Variants in RBMS3 observed in about 807,000 individuals in gnomAD.
RBMS3 encodes the protein RNA-binding motif, single-stranded-interacting protein 3.
Under a neutral mutation model 66.8 loss-of-function variants are expected in RBMS3, and 27 were observed. The ratio of observed to expected loss-of-function variants is 0.40; its 90% CI spans 0.30 to 0.56. The LOEUF (loss-of-function observed/expected upper bound fraction) is 0.56, where lower values mean the gene tolerates loss of function less well. RBMS3 is among the 20% of genes least tolerant of loss of function. The pLI, the probability that RBMS3 is intolerant of heterozygous loss-of-function variation, is 0.40. For synonymous variants in RBMS3, 188 were observed against 183.0 expected (o/e 1.03, Z -0.22); for missense variants, 513 against 549.5 (o/e 0.93, Z 0.66).
At chr3:29,882,560 C>T (rs1466759439) in intron 7 of RBMS3, among the ~76,000 whole-genome samples, 3 of 152,014 alleles carry the variant, frequency 2.0e-5, no homozygotes, top group Admixed American at 6.6e-5. Flanking sequence ...ATACCAATTC[C>T]ATTCACATGT....
chr3:29,728,777 T>A (rs1053327229), intron 4 of RBMS3, among the ~76,000 whole-genome samples: 1 of 151,126 alleles, frequency 6.6e-6, no homozygotes, highest in African/African-American at 2.5e-5. Context: ...TGACAGAATT[T>A]TAATGTATAG....
intron 5 of RBMS3, among the ~76,000 whole-genome samples, chr3:29,745,521 C>A (rs1238067676): frequency 4.6e-5 from 7 of 151,688 alleles, no homozygotes; most frequent in Non-Finnish European, 7.4e-5. Context: ...ACTGATTGTC[C>A]AGCAAAAATC....
intron 10 of RBMS3, among the ~76,000 whole-genome samples, chr3:29,915,463 T>C (rs983934873): frequency 6.6e-6 from 1 of 151,970 alleles, no homozygotes; most frequent in Non-Finnish European, 1.5e-5. Flanking sequence ...TTATACATGC[T>C]TTTTGTTGGT....
chr3:29,565,324 G>A (rs2046703553), intron 3 of RBMS3, among the ~76,000 whole-genome samples: 1 of 152,136 alleles, frequency 6.6e-6, no homozygotes, highest in South Asian at 2.1e-4. Context: ...AAAACTTCTG[G>A]CTTGTGACAC....
chr3:29,395,741 A>G (rs1362951706), intron 1 of RBMS3, among the ~76,000 whole-genome samples: 1 of 152,232 alleles, frequency 6.6e-6, no homozygotes, highest in African/African-American at 2.4e-5. Context: ...CATTAAAGAT[A>G]TTAATGTTAA....
intron 1 of RBMS3, among the ~76,000 whole-genome samples, chr3:29,426,158 A>G (rs955453699): frequency 6.6e-6 from 1 of 152,206 alleles, no homozygotes; most frequent in Non-Finnish European, 1.5e-5. Flanking sequence ...AAGCACTGCA[A>G]TGTCTGAAGT....
intron 2 of RBMS3, among the ~76,000 whole-genome samples, chr3:29,486,906 A>G (rs2043341708): frequency 6.6e-6 from 1 of 152,150 alleles, no homozygotes; most frequent in Non-Finnish European, 1.5e-5. Flanking sequence ...TAAGATAGTT[A>G]TACCTGATCT....
chr3:29,356,348 G>T (rs1390181303), intron 1 of RBMS3, among the ~76,000 whole-genome samples: 1 of 152,122 alleles, frequency 6.6e-6, no homozygotes, highest in Non-Finnish European at 1.5e-5. Flanking sequence ...TCTATGTTTT[G>T]TTGACCTAGT....
In RBMS3 at chr3:29,669,378, C is replaced by A. The variant is rs115958708; in HGVS notation, c.400-70342C>A. Among the ~76,000 whole-genome samples the A allele has an allele frequency of 2.3e-3, 351 of 152,290 alleles. 2 individuals are homozygous for A. Among genetic ancestry groups the A allele is most frequent in the African/African-American group, 7.9e-3 (329 of 41,564 alleles). On this transcript the variant is annotated intron_variant, in intron 4 of 14. Coordinates refer to ENST00000383767, the MANE Select transcript of RBMS3 (RefSeq NM_001003793.3). ...TCCTCACTCTCAAATTTGAGCTTCACATGAGTTGCCTCATTTTACAGTAGA... is the reference window on the plus strand; with the variant it reads ...TCCTCACTCTCAAATTTGAGCTTCAAATGAGTTGCCTCATTTTACAGTAGA...
At chr3:29,378,532 T>G (rs2038604112) in intron 1 of RBMS3, among the ~76,000 whole-genome samples, 1 of 151,478 alleles carries the variant, frequency 6.6e-6, no homozygotes, top group African/African-American at 2.4e-5. Flanking sequence ...AGAGGTATTG[T>G]GAGGATTAAA....
chr3:29,440,802 C>T (rs965692225), intron 2 of RBMS3, among the ~76,000 whole-genome samples: 36 of 152,156 alleles, frequency 2.4e-4, no homozygotes, highest in African/African-American at 8.7e-4. Context: ...AGGCTCCGAG[C>T]GCAGAGTCCA....
rs939844457 is a variant in RBMS3 at position 29,329,895 on chromosome 3, AATAT to A, written c.75+48146_75+48149del. ...TACATATTAATATAACTATATAATT[AATAT>A]ATATATTAATATAACTATAGAATTA... On this transcript the variant is annotated intron_variant, in intron 1 of 14. Coordinates refer to ENST00000383767, the MANE Select transcript of RBMS3 (RefSeq NM_001003793.3). Among the ~76,000 whole-genome samples, 7 of 147,844 alleles carry A rather than the reference AATAT, an allele frequency of 4.7e-5. No homozygotes were observed. In the Admixed American group the frequency reaches 4.8e-4, roughly 10 times the overall value.
At chr3:29,557,864 G>A (rs1328967964) in intron 3 of RBMS3, among the ~76,000 whole-genome samples, 3 of 152,168 alleles carry the variant, frequency 2.0e-5, no homozygotes, top group Non-Finnish European at 2.9e-5. Context: ...ACAAGAGGAA[G>A]AGCAGACCTC....
At chr3:29,370,546 A>T (rs2038146424) in intron 1 of RBMS3, among the ~76,000 whole-genome samples, 1 of 152,216 alleles carries the variant, frequency 6.6e-6, no homozygotes, top group African/African-American at 2.4e-5. Context: ...TAATTGTGGT[A>T]TAAACCTGGC....
At chr3:29,656,806 G>A (rs11709088) in intron 4 of RBMS3, among the ~76,000 whole-genome samples, 17,680 of 151,986 alleles carry the variant, frequency 0.12, 1,108 homozygotes, top group Middle Eastern at 0.23. Context: ...CCTCTCTCTC[G>A]TACATTAGTT....
chr3:29,564,795 G>C (rs1489026265), intron 3 of RBMS3, among the ~76,000 whole-genome samples: 2 of 152,018 alleles, frequency 1.3e-5, no homozygotes, highest in Admixed American at 6.6e-5. Flanking sequence ...AATTCATCCT[G>C]CTGTAATGTG....
intron 1 of RBMS3, among the ~76,000 whole-genome samples, chr3:29,394,134 A>G (rs576728031): frequency 4.6e-5 from 7 of 152,218 alleles, no homozygotes; most frequent in Non-Finnish European, 7.3e-5. Flanking sequence ...CTTCAACTGC[A>G]TAAGACAGAC....
intron 1 of RBMS3, among the ~76,000 whole-genome samples, chr3:29,354,111 CT>C (rs1559510736): frequency 2.0e-5 from 3 of 151,946 alleles, no homozygotes; most frequent in Non-Finnish European, 4.4e-5. Flanking sequence ...TTATGAAATA[CT>C]TTTTTAAATT....
chr3:29,971,339 G>C (rs1697216381), intron 12 of RBMS3, among the ~76,000 whole-genome samples: 1 of 151,830 alleles, frequency 6.6e-6, no homozygotes, highest in South Asian at 2.1e-4. Context: ...TTATACATTT[G>C]GTATCCTGCT....
Sources: allele counts gnomAD v4.1 joint callset (sites outside exome capture counted in the v4.1 genomes callset), GRCh38; gene constraint gnomAD v4.1.1; transcripts MANE v1.5; gene names NCBI Gene and HGNC (gene_info 2026-07-23, HGNC 2026-07-21).